The following ZNF385D variants were observed in gnomAD, a reference collection of about 807,000 sequenced individuals.
ZNF385D encodes zinc finger protein 659.
In ZNF385D, 15 loss-of-function variants were observed where a neutral mutation model predicts 35.8. The ratio of observed to expected loss-of-function variants is 0.42; its 90% CI spans 0.28 to 0.64. The LOEUF is 0.64. ZNF385D is among the 30% of genes least tolerant of loss of function. The pLI is 0.23. For missense variants in ZNF385D, 474 were observed against 494.6 expected (o/e 0.96, Z 0.39); for synonymous variants, 212 against 186.8 (o/e 1.13, Z -1.10).
intron 3 of ZNF385D, among the ~76,000 whole-genome samples, chr3:22,114,768 T>C (rs1702725132): frequency 6.6e-6 from 1 of 152,084 alleles, no homozygotes; most frequent in Non-Finnish European, 1.5e-5. Context: ...AAAATTCATG[T>C]TGAAACTTAA....
chr3:21,766,429 T>C (rs2070833006), intron 3 of ZNF385D, among the ~76,000 whole-genome samples: 1 of 152,130 alleles, frequency 6.6e-6, no homozygotes, highest in Admixed American at 6.6e-5. Flanking sequence ...TGACTTTGGT[T>C]CATGTATTAA....
At chr3:22,147,183 G>A (rs1490288119) in intron 3 of ZNF385D, among the ~76,000 whole-genome samples, 1 of 152,144 alleles carries the variant, frequency 6.6e-6, no homozygotes, top group Non-Finnish European at 1.5e-5. Flanking sequence ...AAAGTTGAAA[G>A]AACTTTTAAA....
chr3:21,907,206 T>A (rs1191800627), intron 3 of ZNF385D, among the ~76,000 whole-genome samples: 1 of 152,176 alleles, frequency 6.6e-6, no homozygotes, highest in Admixed American at 6.5e-5. Context: ...ATAATAAAGT[T>A]CACTTTATTA....
At chr3:22,092,230 C>G (rs746175895) in intron 3 of ZNF385D, among the ~76,000 whole-genome samples, 14 of 152,120 alleles carry the variant, frequency 9.2e-5, no homozygotes, top group Admixed American at 6.6e-5. Flanking sequence ...CTTTGCCAGT[C>G]AGGATAATGT....
chr3:22,015,011 A>G (rs918554839), intron 3 of ZNF385D, among the ~76,000 whole-genome samples: 1 of 152,130 alleles, frequency 6.6e-6, no homozygotes, highest in Non-Finnish European at 1.5e-5. Flanking sequence ...TGTTGTTTGA[A>G]TGTTCACAAC....
chr3:21,631,049 T>G (rs2065267005), intron 2 of ZNF385D, among the ~76,000 whole-genome samples: 1 of 152,158 alleles, frequency 6.6e-6, no homozygotes, highest in Non-Finnish European at 1.5e-5. Flanking sequence ...AAAAGGATAT[T>G]TATATTTAAT....
chr3:21,945,144 G>GTATGTATATATA (rs1491234736), intron 3 of ZNF385D, among the ~76,000 whole-genome samples: 38,861 of 150,312 alleles, frequency 0.26, 5,703 homozygotes, highest in Admixed American at 0.41. Context: ...ATATGTATAT[G>GTATGTATATATA]CATATATATA....
At chr3:21,520,789 C>T (rs543363036) in intron 3 of ZNF385D, among the ~76,000 whole-genome samples, 8 of 152,192 alleles carry the variant, frequency 5.3e-5, no homozygotes, top group African/African-American at 1.7e-4. Context: ...ATCTAAAAGA[C>T]AAAATTCTTT....
chr3:21,558,042 TTTC>T (rs918821926), intron 3 of ZNF385D, among the ~76,000 whole-genome samples: 20 of 152,214 alleles, frequency 1.3e-4, no homozygotes, highest in African/African-American at 4.6e-4. Context: ...TCTTCTCCCT[TTTC>T]TTTATTAGTC....
intron 4 of ZNF385D, among the ~76,000 whole-genome samples, chr3:21,438,925 A>T (rs1701714155): frequency 1.3e-5 from 2 of 152,126 alleles, no homozygotes; most frequent in Non-Finnish European, 1.5e-5. Context: ...AATATGAAGT[A>T]ACTGCCAAAA....
intron 2 of ZNF385D, among the ~76,000 whole-genome samples, chr3:22,296,407 G>T (rs1173997703): frequency 1.3e-5 from 2 of 152,060 alleles, no homozygotes; most frequent in African/African-American, 2.4e-5. Context: ...GTTTCAGCTG[G>T]GTTCTCCAGG....
chr3:21,947,285 TA>T (rs1401992754), intron 3 of ZNF385D, among the ~76,000 whole-genome samples: 1 of 152,206 alleles, frequency 6.6e-6, no homozygotes, highest in East Asian at 1.9e-4. Flanking sequence ...AAATTTATGG[TA>T]CAGTTAAGCC....
chr3:21,732,027 GGGGTTTTTTTTTTTTTTTTTTTTTTTTT>G (rs2069026956), intron 1 of ZNF385D, among the ~76,000 whole-genome samples: 1 of 64,278 alleles, frequency 1.6e-5, no homozygotes, highest in African/African-American at 8.3e-5. Context: ...TTCTTTTTTC[GGGGTTTTTTTTTTTTTTTTTTTTTTTTT>G]TTTTTTTTTT....
At chr3:21,955,735 G>A (rs746484960) in intron 3 of ZNF385D, among the ~76,000 whole-genome samples, 6 of 152,132 alleles carry the variant, frequency 3.9e-5, no homozygotes, top group Non-Finnish European at 8.8e-5. Flanking sequence ...ATTGAGTTAT[G>A]GTGGTAAGAG....
intron 1 of ZNF385D, among the ~76,000 whole-genome samples, chr3:21,740,960 G>A (rs1465918843): frequency 6.6e-6 from 1 of 152,166 alleles, no homozygotes; most frequent in African/African-American, 2.4e-5. Flanking sequence ...AGTTCCCCAG[G>A]TGATTCTTTT....
intron 4 of ZNF385D, among the ~76,000 whole-genome samples, chr3:21,467,678 C>T (rs189534173): frequency 9.9e-5 from 15 of 152,242 alleles, no homozygotes; most frequent in Admixed American, 5.9e-4. Context: ...CCATCAAACC[C>T]ATGCTTCCCC....
At chr3:22,283,586 C>G (rs543146837) in intron 2 of ZNF385D, among the ~76,000 whole-genome samples, 1 of 152,212 alleles carries the variant, frequency 6.6e-6, no homozygotes, top group East Asian at 1.9e-4. Context: ...AAAGCTGAAA[C>G]CAGATTCTGA....
intron 5 of ZNF385D, among the ~76,000 whole-genome samples, chr3:21,427,735 T>C (rs146465658): frequency 1.8e-3 from 270 of 152,300 alleles, no homozygotes; most frequent in Non-Finnish European, 3.2e-3. Context: ...AAATGGGACA[T>C]ATGTGAACAT....
At chr3:21,931,812 A>G (rs1701021695) in intron 3 of ZNF385D, among the ~76,000 whole-genome samples, 1 of 152,280 alleles carries the variant, frequency 6.6e-6, no homozygotes, top group South Asian at 2.1e-4. Context: ...TGGATTGTAC[A>G]CTTAAGTGAG....
Sources: allele counts gnomAD v4.1 joint callset (sites outside exome capture counted in the v4.1 genomes callset), GRCh38; gene constraint gnomAD v4.1.1; transcripts MANE v1.5; gene names NCBI Gene and HGNC (gene_info 2026-07-23, HGNC 2026-07-21).